PTPRK: variants seen among roughly 807,000 people sequenced by gnomAD.
The protein encoded by PTPRK is protein tyrosine phosphatase receptor type K, also known as receptor-type tyrosine-protein phosphatase kappa.
Under a neutral mutation model 178.0 loss-of-function variants are expected in PTPRK, and 75 were observed. That is an observed-to-expected ratio of 0.42 (90% CI 0.35 to 0.51). The LOEUF (loss-of-function observed/expected upper bound fraction) is 0.51. PTPRK is among the 20% of genes least tolerant of loss of function. PTPRK has a pLI of 0.02. For synonymous variants in PTPRK, 637 were observed against 620.6 expected (o/e 1.03, Z -0.39); for missense variants, 1,441 against 1,797.8 (o/e 0.80, Z 3.59).
intron 6 of PTPRK, among the ~76,000 whole-genome samples, chr6:128,187,130 T>G (rs1200565673): frequency 6.6e-6 from 1 of 152,020 alleles, no homozygotes; most frequent in Non-Finnish European, 1.5e-5. Context: ...CTTATGTGAG[T>G]ATATCAAATG....
At chr6:128,447,628 CTTT>C (rs35289749) in intron 1 of PTPRK, among the ~76,000 whole-genome samples, 2 of 138,548 alleles carry the variant, frequency 1.4e-5, no homozygotes, top group Non-Finnish European at 1.6e-5. Context: ...AAAACCGTGC[CTTT>C]TTTTTTTTTT....
At chr6:128,435,125 G>T (rs1421444851) in intron 1 of PTPRK, among the ~76,000 whole-genome samples, 2 of 119,634 alleles carry the variant, frequency 1.7e-5, no homozygotes, top group Non-Finnish European at 3.3e-5. Flanking sequence ...AGGCAGGCAG[G>T]AAGGCAGGCA....
chr6:128,417,113 CTT>C (rs936323898), intron 1 of PTPRK, among the ~76,000 whole-genome samples: 6 of 151,320 alleles, frequency 4.0e-5, no homozygotes, highest in African/African-American at 1.5e-4. Flanking sequence ...GTATTTTCCC[CTT>C]TTTTTATATA....
intron 13 of PTPRK, among the ~76,000 whole-genome samples, chr6:128,034,412 T>A (rs561687861): frequency 4.1e-4 from 62 of 152,360 alleles, no homozygotes; most frequent in Admixed American, 2.4e-3. Context: ...GGAAAAAGAA[T>A]CCGTAAACTC....
rs540030059 is a variant in PTPRK at position 128,371,825 on chromosome 6, G to A, written c.223+25741C>T. 7.9e-5 allele frequency among the ~76,000 whole-genome samples: 12 copies of A among 151,650 alleles called. No homozygotes were observed. The South Asian group carries it at 1.0e-3, about 13-fold the overall frequency. ...TGGGAGGTCGAGGCTGCAGTGATCC[G>A]AGATCGTGCCACTGCACCCCAGCCC... On this transcript the variant is annotated intron_variant, in intron 2 of 29. Transcript: ENST00000368226.
chr6:128,503,477 A>T (rs932787552), intron 1 of PTPRK, among the ~76,000 whole-genome samples: 1 of 152,216 alleles, frequency 6.6e-6, no homozygotes, highest in Non-Finnish European at 1.5e-5. Context: ...AGATCTTCTA[A>T]ATAGTCTGTA....
chr6:128,005,798 C>T (rs1778348336), intron 14 of PTPRK, among the ~76,000 whole-genome samples: 1 of 14,236 alleles, frequency 7.0e-5, no homozygotes, highest in Admixed American at 7.2e-4. Flanking sequence ...ACTAAAGCTA[C>T]TTATGGAAAT....
At chr6:128,101,921 A>C (rs1015024464) in intron 7 of PTPRK, among the ~76,000 whole-genome samples, 1 of 152,198 alleles carries the variant, frequency 6.6e-6, no homozygotes, top group Non-Finnish European at 1.5e-5. Flanking sequence ...TTTCAGTGAC[A>C]GCTTGGTCAG....
At chr6:128,002,188 G>A (rs1360059106) in intron 15 of PTPRK, among the ~76,000 whole-genome samples, 2 of 151,336 alleles carry the variant, frequency 1.3e-5, no homozygotes. Context: ...ACATAACTGA[G>A]TTAGTTGTGT....
At chr6:128,415,686 T>C (rs1347173344) in intron 1 of PTPRK, among the ~76,000 whole-genome samples, 7 of 152,140 alleles carry the variant, frequency 4.6e-5, no homozygotes, top group African/African-American at 1.7e-4. Flanking sequence ...AATGGCATGA[T>C]AAACAAACCC....
At chr6:128,400,224 G>C (rs1054580782) in intron 1 of PTPRK, among the ~76,000 whole-genome samples, 1 of 152,084 alleles carries the variant, frequency 6.6e-6, no homozygotes, top group Non-Finnish European at 1.5e-5. Context: ...ACTCACACCA[G>C]GGTTGGTTAG....
chr6:128,046,963 A>T (rs1024550960), intron 13 of PTPRK, among the ~76,000 whole-genome samples: 12 of 152,314 alleles, frequency 7.9e-5, no homozygotes, highest in African/African-American at 2.9e-4. Flanking sequence ...CATTTCATCC[A>T]TCTGCACAGA....
chr6:128,505,492 T>C (rs566741421), intron 1 of PTPRK, among the ~76,000 whole-genome samples: 1 of 152,160 alleles, frequency 6.6e-6, no homozygotes, highest in South Asian at 2.1e-4. Context: ...GATGAGTTTA[T>C]GAAGACAGCT....
chr6:128,183,948 G>C (rs1047119537), intron 7 of PTPRK, among the ~76,000 whole-genome samples: 1 of 152,108 alleles, frequency 6.6e-6, no homozygotes, highest in African/African-American at 2.4e-5. Context: ...CTCAACAACA[G>C]GACATTCTGA....
chr6:128,183,363 A>G (rs1242883565), intron 7 of PTPRK, among the ~76,000 whole-genome samples: 1 of 152,188 alleles, frequency 6.6e-6, no homozygotes, highest in South Asian at 2.1e-4. Context: ...AATTTACCCA[A>G]CATCTTCTAG....
chr6:128,487,388 A>G (rs1241037741), intron 1 of PTPRK, among the ~76,000 whole-genome samples: 2 of 151,328 alleles, frequency 1.3e-5, no homozygotes, highest in Non-Finnish European at 2.9e-5. Flanking sequence ...TCAGAAGCAA[A>G]GCCTTATTCT....
intron 3 of PTPRK, among the ~76,000 whole-genome samples, chr6:128,287,115 C>T (rs576496668): frequency 8.9e-4 from 136 of 152,236 alleles, no homozygotes; most frequent in African/African-American, 3.2e-3. Context: ...CCTACAATGT[C>T]TCACTGCCTC....
At chr6:128,083,539 T>G in intron 9 of PTPRK, 176 bp downstream of exon 9, 1 of 410,220 alleles carries the variant, frequency 2.4e-6, no homozygotes, top group Non-Finnish European at 4.3e-6. Context: ...ATACAAAATA[T>G]TTATTTTGAC....
intron 13 of PTPRK, among the ~76,000 whole-genome samples, chr6:128,022,140 C>A (rs559183086): frequency 2.0e-5 from 3 of 152,242 alleles, no homozygotes; most frequent in East Asian, 3.9e-4. Context: ...AATGTAAATG[C>A]AAATTGGCTT....
Sources: allele counts gnomAD v4.1 joint callset (sites outside exome capture counted in the v4.1 genomes callset), GRCh38; gene constraint gnomAD v4.1.1; transcripts MANE v1.5; gene names NCBI Gene and HGNC (gene_info 2026-07-23, HGNC 2026-07-21).